Variants in ACACB observed in about 807,000 individuals in gnomAD.
ACACB encodes acetyl-CoA carboxylase 2.
A neutral mutation model predicts 278.8 loss-of-function variants in ACACB; 209 were observed. That is an observed-to-expected ratio of 0.75 (90% CI 0.67 to 0.84). The LOEUF (loss-of-function observed/expected upper bound fraction) is 0.84. ACACB is among the 40% of genes least tolerant of loss of function. The pLI is 0.00. For synonymous variants in ACACB, 1,174 were observed against 1,285.6 expected (o/e 0.91, Z 1.86); for missense variants, 2,850 against 3,269.0 (o/e 0.87, Z 3.13).
intron 6 of ACACB, 106 bp downstream of exon 6, chr12:109,172,462 G>T: frequency 9.8e-7 from 1 of 1,022,366 alleles, no homozygotes; most frequent in South Asian, 1.5e-5. Context: ...AGGTCCGTTT[G>T]ATTTCCCACC....
chr12:109,131,939 G>A (rs572460886), intron 1 of ACACB, among the ~76,000 whole-genome samples: 69 of 152,186 alleles, frequency 4.5e-4, no homozygotes, highest in African/African-American at 1.5e-3. Context: ...TTTGCATGTC[G>A]ATCTGCGGCT....
At chr12:109,237,701 T>C (rs1311477020) in intron 34 of ACACB, among the ~76,000 whole-genome samples, 1 of 152,116 alleles carries the variant, frequency 6.6e-6, no homozygotes, top group Non-Finnish European at 1.5e-5. Context: ...CGTTTTCCAT[T>C]GTTTCTTGCA....
intron 4 of ACACB, among the ~76,000 whole-genome samples, chr12:109,169,172 A>G (rs949534554): frequency 6.6e-6 from 1 of 151,298 alleles, no homozygotes; most frequent in African/African-American, 2.4e-5. Context: ...CAAAACAAAA[A>G]CCAACATAAG....
chr12:109,164,504 T>G (rs1281594878), intron 2 of ACACB, among the ~76,000 whole-genome samples: 3 of 152,068 alleles, frequency 2.0e-5, no homozygotes, highest in Non-Finnish European at 4.4e-5. Context: ...AGTGCTAGGA[T>G]TACAGGCATG....
intron 4 of ACACB, 90 bp from the exon 5 acceptor site, chr12:109,171,715 C>A: frequency 1.0e-6 from 1 of 961,346 alleles, no homozygotes; most frequent in Non-Finnish European, 1.6e-6. Context: ...TTCTGCTTTC[C>A]ATGGCTGTAC....
chr12:109,243,021 G>T (rs958811903), intron 37 of ACACB, among the ~76,000 whole-genome samples: 1 of 152,112 alleles, frequency 6.6e-6, no homozygotes, highest in African/African-American at 2.4e-5. Context: ...TGTTGAGAAC[G>T]ACTTCATAGT....
At chr12:109,204,491 T>G (rs1465976022) in intron 19 of ACACB, among the ~76,000 whole-genome samples, 1 of 151,926 alleles carries the variant, frequency 6.6e-6, no homozygotes, top group Non-Finnish European at 1.5e-5. Flanking sequence ...GCCAGGCTGA[T>G]CTCGAACTCC....
At chr12:109,262,813 C>T (rs957238393) in intron 49 of ACACB, among the ~76,000 whole-genome samples, 13 of 151,344 alleles carry the variant, frequency 8.6e-5, no homozygotes, top group Admixed American at 3.3e-4. Context: ...TGTGGGGTTT[C>T]GCCATGTTGC....
In ACACB at chr12:109,239,735, C is replaced by T. The variant is rs2046739737; in HGVS notation, c.4663-95C>T. The T allele has an allele frequency of 2.9e-6, 4 of 1,381,588 alleles. 1 individual carries two copies. The highest frequency in any genetic ancestry group is 2.7e-5 in the Admixed American group (1 of 36,554). 85.6% of individuals were successfully genotyped at this position (1,381,588 alleles called of 1,614,324 possible). ...CTTTTTGGAGGAGGGGAATGTTTTC[C>T]TCCTGTCTCTGCCTCTTTGGGGCTG... On this transcript the variant is annotated intron_variant, in intron 34 of 52. Coordinates refer to ENST00000338432, the MANE Select transcript of ACACB (RefSeq NM_001093.4).
Position 109,172,405 on chromosome 12 carries a change from C to T in ACACB, c.1117+49C>T, listed in dbSNP as rs1168812680. On this transcript the variant is annotated intron_variant, in intron 6 of 52. Coordinates refer to ENST00000338432, the MANE Select transcript of ACACB (RefSeq NM_001093.4). ...CATGGGAATTGGGGTATTGCTGGGA[C>T]ACTCTGCTGGGTCTGACCCTCTTTC... The T allele has an allele frequency of 2.6e-6, 4 of 1,559,408 alleles. No individual in the cohort carries two copies. In the Admixed American group the frequency reaches 5.0e-5, roughly 20 times the overall value.
intron 2 of ACACB, among the ~76,000 whole-genome samples, chr12:109,165,839 A>G (rs568314808): frequency 1.3e-5 from 2 of 152,324 alleles, no homozygotes; most frequent in African/African-American, 2.4e-5. Context: ...TCTCACATGG[A>G]TGACTCACAA....
At chr12:109,150,248 G>GT (rs1426738844) in intron 2 of ACACB, among the ~76,000 whole-genome samples, 6 of 152,182 alleles carry the variant, frequency 3.9e-5, no homozygotes, top group Non-Finnish European at 7.3e-5. Flanking sequence ...TTAGGAGATT[G>GT]TTGAGATCGA....
intron 24 of ACACB, among the ~76,000 whole-genome samples, chr12:109,220,812 C>A (rs1468772463): frequency 6.6e-6 from 1 of 152,182 alleles, no homozygotes; most frequent in Non-Finnish European, 1.5e-5. Context: ...GCCTTGGCCT[C>A]CCAAAGTGCA....
chr12:109,174,826 C>T (rs548458262), intron 7 of ACACB, among the ~76,000 whole-genome samples: 11 of 152,220 alleles, frequency 7.2e-5, no homozygotes, highest in African/African-American at 2.6e-4. Context: ...ACTATGGTGG[C>T]ACCACTGCAC....
At chr12:109,173,292 A>G (rs2044176817) in intron 6 of ACACB, among the ~76,000 whole-genome samples, 1 of 152,206 alleles carries the variant, frequency 6.6e-6, no homozygotes, top group Non-Finnish European at 1.5e-5. Flanking sequence ...AAATTTGCAC[A>G]TGTAATTATG....
chr12:109,250,251 C>A, intron 41 of ACACB, 147 bp downstream of exon 41: 1 of 859,778 alleles, frequency 1.2e-6, no homozygotes. Flanking sequence ...ACTGATATTT[C>A]CTCAATCTCA....
At position 109,123,511 on chromosome 12, in the gene ACACB, G is replaced by A. The variant is rs182487166; in HGVS notation, c.-10+6807G>A. Among the ~76,000 whole-genome samples the A allele has an allele frequency of 2.6e-3, 401 of 151,878 alleles. 1 individual carries two copies. Among genetic ancestry groups the A allele is most frequent in the Middle Eastern group, 0.014 (4 of 294 alleles). On this transcript the variant is annotated intron_variant, in intron 1 of 52. Transcript: ENST00000338432. ...GTTTAAGACCAGCCTGGCCAACATG[G>A]AAAAACGCCCATCTCTACAAAAAAT...
intron 37 of ACACB, among the ~76,000 whole-genome samples, chr12:109,244,658 A>C (rs370745461): frequency 6.6e-6 from 1 of 151,830 alleles, no homozygotes; most frequent in South Asian, 2.1e-4. Context: ...GGGTTTCACT[A>C]TGTTGGCCAG....
rs143469010 is a variant in ACACB, at chr12:109,218,747, G to A, written c.3564+1827G>A. Among the ~76,000 whole-genome samples, 530 of 149,382 alleles carry A rather than the reference G, an allele frequency of 3.5e-3. 1 individual carries two copies. The highest frequency in any genetic ancestry group is 5.4e-3 in the Non-Finnish European group (367 of 67,554). ...TGGCTCACTGCAACCTCCGCCTCCC[G>A]GGTTCTATCTATCTTCTATCTATCT... On this transcript the variant is annotated intron_variant, in intron 24 of 52. Coordinates refer to ENST00000338432, the MANE Select transcript of ACACB (RefSeq NM_001093.4).
Sources: gnomAD v4.1 joint callset for allele counts (sites outside exome capture counted in the v4.1 genomes callset) on GRCh38, gnomAD v4.1.1 for gene constraint, MANE v1.5 for transcripts, NCBI Gene and HGNC (gene_info 2026-07-23, HGNC 2026-07-21) for gene names.